The following LMO7 variants were observed in gnomAD, a reference collection of about 807,000 sequenced individuals.
LMO7 encodes LIM domain only protein 7.
In LMO7, 120 loss-of-function variants were observed where a neutral mutation model predicts 206.5. That is an observed-to-expected ratio of 0.58 (90% CI 0.50 to 0.68). LMO7 has a LOEUF of 0.68. LMO7 is among the 30% of genes least tolerant of loss of function. The probability of loss-of-function intolerance (pLI) is 0.00; values close to 1 mark genes in which losing one functional copy is unlikely to be tolerated. For synonymous variants in LMO7, 706 were observed against 681.5 expected (o/e 1.04, Z -0.56); for missense variants, 1,959 against 1,957.9 (o/e 1.00, Z -0.01).
chr13:75,786,344 C>A (rs570392104), intron 4 of LMO7, among the ~76,000 whole-genome samples: 2 of 151,948 alleles, frequency 1.3e-5, no homozygotes, highest in East Asian at 1.9e-4. Context: ...AGGGTTCAAT[C>A]CCTGGACCAC....
intron 1 of LMO7, chr13:75,688,882 A>G (rs1157485087): frequency 1.3e-5 from 2 of 152,036 alleles, no homozygotes; most frequent in Admixed American, 1.3e-4. Context: ...TTTAATGATC[A>G]TTCCCTATGA....
chr13:75,819,780 A>G (rs2057398070), intron 13 of LMO7, among the ~76,000 whole-genome samples: 1 of 152,240 alleles, frequency 6.6e-6, no homozygotes, highest in Non-Finnish European at 1.5e-5. Flanking sequence ...TTCTTCTTAC[A>G]TTGTGCATTC....
rs1317378107 is a variant in LMO7, at chr13:75,856,583, C to T, written c.4848C>T (p.Cys1616=). 2 of 1,608,274 alleles carry T rather than the reference C, an allele frequency of 1.2e-6. No individual in the cohort carries two copies. Among genetic ancestry groups the T allele is most frequent in the Non-Finnish European group, 1.7e-6 (2 of 1,174,854 alleles). ...EVRIRNHQLY[C]NDCYLRFKSG... The stretch of plus-strand genomic sequence containing the variant: ...GGATCAGAAACCACCAACTGTACTG[C>T]AACGACTGCTATCTCAGATTCAAAT... Residue 1616 remains cysteine, a synonymous_variant, in exon 30 of 31, where the codon TGC becomes TGT. Coordinates refer to ENST00000377534, the MANE Select transcript of LMO7 (RefSeq NM_001306080.2).
At chr13:75,776,162 GATATATATATATATATATATATATATAT>G (rs58964680) in intron 4 of LMO7, among the ~76,000 whole-genome samples, 27 of 36,854 alleles carry the variant, frequency 7.3e-4, no homozygotes, top group East Asian at 3.7e-3. Context: ...ATATATATCG[GATATATATATATATATATATATATATAT>G]ATATATATAT....
intron 4 of LMO7, among the ~76,000 whole-genome samples, chr13:75,769,014 T>A (rs2049272182): frequency 1.3e-5 from 2 of 152,162 alleles, no homozygotes; most frequent in African/African-American, 4.8e-5. Flanking sequence ...AAAGCCATGC[T>A]TATTATTTAG....
rs572121509 is a variant in LMO7 at position 75,796,530 on chromosome 13, A to G, written c.349-106A>G. The G allele has an allele frequency of 1.5e-5, 9 of 597,856 alleles. No individual in the cohort carries two copies. In the Admixed American group the frequency reaches 2.4e-4, roughly 16 times the overall value. The allele number at this position is 597,856 out of a possible 1,614,324, so 37.0% of individuals were successfully genotyped here. Reference sequence around the variant, plus strand: ...AAAAGAAAGTCTACTTTTCACTTACAGAGTAATATGTGCTATCATTTATCT... The same window carrying G: ...AAAAGAAAGTCTACTTTTCACTTACGGAGTAATATGTGCTATCATTTATCT... On this transcript the variant is annotated intron_variant, in intron 5 of 30. Coordinates refer to ENST00000377534, the MANE Select transcript of LMO7 (RefSeq NM_001306080.2).
At chr13:75,684,648 A>G (rs761878049) in intron 1 of LMO7, among the ~76,000 whole-genome samples, 3 of 151,876 alleles carry the variant, frequency 2.0e-5, no homozygotes, top group Non-Finnish European at 4.4e-5. Flanking sequence ...ATAGGGTTAA[A>G]TAGAAGGAAA....
intron 3 of LMO7, among the ~76,000 whole-genome samples, chr13:75,737,779 AAAT>A (rs145200223): frequency 7.2e-5 from 6 of 83,686 alleles, no homozygotes; most frequent in Admixed American, 1.5e-4. Context: ...AAATAAAATA[AAAT>A]AAAAAAAAAA....
At chr13:75,653,715 A>G (rs1219081623) in intron 1 of LMO7, among the ~76,000 whole-genome samples, 1 of 152,248 alleles carries the variant, frequency 6.6e-6, no homozygotes, top group East Asian at 1.9e-4. Context: ...GGTATTTTGC[A>G]GTTAAAAGGA....
chr13:75,772,005 T>C lies in LMO7; in HGVS notation c.317+10967T>C, dbSNP rs2049815912. ...ATAGTGCAGTCTAATTCCAGTAAGATGAAACTCTTCTCTGGTTGCAGAAAA... is the reference window on the plus strand; with the variant it reads ...ATAGTGCAGTCTAATTCCAGTAAGACGAAACTCTTCTCTGGTTGCAGAAAA... On this transcript the variant is annotated intron_variant, in intron 4 of 30. Coordinates refer to ENST00000377534, the MANE Select transcript of LMO7 (RefSeq NM_001306080.2). Among the ~76,000 whole-genome samples the C allele has an allele frequency of 3.3e-5, 5 of 152,022 alleles. No individual in the cohort carries two copies. The South Asian group carries it at 1.0e-3, about 32-fold the overall frequency.
At chr13:75,790,693 T>A (rs2053148767) in intron 4 of LMO7, among the ~76,000 whole-genome samples, 1 of 152,134 alleles carries the variant, frequency 6.6e-6, no homozygotes, top group African/African-American at 2.4e-5. Flanking sequence ...ATAAGATGAT[T>A]AGAGCTGCAT....
At chr13:75,724,580 T>C (rs190568039) in intron 2 of LMO7, among the ~76,000 whole-genome samples, 9 of 152,176 alleles carry the variant, frequency 5.9e-5, no homozygotes, top group Admixed American at 1.3e-4. Context: ...AGTATTTCCA[T>C]AGATGATACT....
intron 1 of LMO7, among the ~76,000 whole-genome samples, chr13:75,686,269 G>C (rs1318057413): frequency 6.6e-6 from 1 of 152,138 alleles, no homozygotes; most frequent in Non-Finnish European, 1.5e-5. Flanking sequence ...CATGGTGGAA[G>C]GTGAAAGGCA....
rs765076619 is a variant in LMO7 at position 75,855,295 on chromosome 13, A to G, written c.4697A>G (p.Asn1566Ser). 2.7e-5 allele frequency: 44 copies of G among 1,613,882 alleles called. No individual in the cohort carries two copies. The highest frequency in any genetic ancestry group is 1.3e-4 in the South Asian group (12 of 91,078). The change falls in exon 29 of 31, where the codon AAT becomes AGT. Residue 1566 changes from asparagine to serine, a missense_variant. Physicochemically the swap from Asn to Ser is conservative, Grantham distance 46. Transcript: ENST00000377534. ...VSGKRICSYCNNILGKGAAMI... is the reference protein window; with the variant it reads ...VSGKRICSYCSNILGKGAAMI... ...GGGAAGCGCATATGCTCCTACTGCA[A>G]TAACATTCTGGGCAAAGGAGCCGCC... is the stretch of plus-strand genomic sequence containing the variant.
intron 1 of LMO7, among the ~76,000 whole-genome samples, chr13:75,700,480 C>T (rs1300533626): frequency 6.6e-6 from 1 of 152,214 alleles, no homozygotes; most frequent in Non-Finnish European, 1.5e-5. Flanking sequence ...TTCAGGTTCC[C>T]TGACTTCCTG....
chr13:75,677,565 T>C (rs1260449691), intron 1 of LMO7, among the ~76,000 whole-genome samples: 2 of 151,954 alleles, frequency 1.3e-5, no homozygotes, highest in East Asian at 3.9e-4. Context: ...ATTTCCTAAA[T>C]TGGAAATGAG....
At chr13:75,834,473 T>G in intron 17 of LMO7, 86 bp downstream of exon 17, 1 of 1,044,260 alleles carries the variant, frequency 9.6e-7, no homozygotes, top group Non-Finnish European at 1.4e-6. Context: ...TTCAATAACT[T>G]TTTATTTTTT....
At chr13:75,700,514 T>G (rs1178930953) in intron 1 of LMO7, among the ~76,000 whole-genome samples, 1 of 152,262 alleles carries the variant, frequency 6.6e-6, no homozygotes, top group Admixed American at 6.5e-5. Flanking sequence ...CTTAGCAACC[T>G]CAGCATATGA....
At chr13:75,752,443 TA>T (rs1281279419) in intron 3 of LMO7, among the ~76,000 whole-genome samples, 2 of 152,108 alleles carry the variant, frequency 1.3e-5, no homozygotes, top group South Asian at 2.1e-4. Context: ...AAAGAACATT[TA>T]AAAAAATTTA....
Sources: gnomAD v4.1 joint callset for allele counts (sites outside exome capture counted in the v4.1 genomes callset) on GRCh38, gnomAD v4.1.1 for gene constraint, MANE v1.5 for transcripts, NCBI Gene and HGNC (gene_info 2026-07-23, HGNC 2026-07-21) for gene names.